KLHL6: variants seen among roughly 807,000 people sequenced by gnomAD.
KLHL6 encodes kelch-like protein 6.
In KLHL6, 41 loss-of-function variants were observed where a neutral mutation model predicts 58.6. The ratio of observed to expected loss-of-function variants is 0.70; its 90% CI spans 0.55 to 0.91. The LOEUF is 0.91. Ranked by LOEUF, KLHL6 falls within the 40% of genes least tolerant of loss-of-function variation. KLHL6 has a pLI of 0.00. For synonymous variants in KLHL6, 338 were observed against 322.7 expected, an observed-to-expected ratio of 1.05 and a Z score of -0.51; for missense variants, 714 against 805.6, an observed-to-expected ratio of 0.89 and a Z score of 1.38.
intron 1 of KLHL6, among the ~76,000 whole-genome samples, chr3:183,540,029 T>C (rs1712501275): frequency 6.6e-6 from 1 of 152,242 alleles, no homozygotes; most frequent in Non-Finnish European, 1.5e-5. Context: ...GTTTTTGTTT[T>C]GTCTGCCCAA....
chr3:183,536,908 C>T (rs1712383816), intron 1 of KLHL6, among the ~76,000 whole-genome samples: 1 of 152,190 alleles, frequency 6.6e-6, no homozygotes, highest in East Asian at 1.9e-4. Flanking sequence ...TCGGCCTAAA[C>T]ATCTCAGCTC....
intron 1 of KLHL6, among the ~76,000 whole-genome samples, chr3:183,531,807 G>T (rs762529243): frequency 1.4e-4 from 22 of 152,116 alleles, no homozygotes; most frequent in Non-Finnish European, 2.8e-4. Context: ...TCCCATTATT[G>T]TATTTTGGAA....
At chr3:183,537,339 C>G (rs1712399478) in intron 1 of KLHL6, among the ~76,000 whole-genome samples, 1 of 152,162 alleles carries the variant, frequency 6.6e-6, no homozygotes, top group Non-Finnish European at 1.5e-5. Context: ...AGTGTCAGCG[C>G]TCAATGGACC....
Position 183,527,995 on chromosome 3 carries a change from G to C in KLHL6, c.309C>G (p.Asn103Lys). Residue 103 changes from asparagine (N) to lysine (K), a missense_variant, in exon 2 of 7, where the codon AAC (asparagine) becomes AAG (lysine). Asn to Lys is a moderately conservative substitution (Grantham distance 94). Around this residue, in one of 2 missense-constraint regions of KLHL6, gnomAD observed 204 missense variants for 175.9 expected, o/e 1.16. Transcript: ENST00000341319. Reference protein sequence around the residue: ...ASNYFRAMFCNDLKEKYEKRI... With the variant: ...ASNYFRAMFCKDLKEKYEKRI... ...TTTTCTCATACTTTTCCTTTAAATC[G>C]TTGCAGAACATGGCCCTGGAAGAGA... 1.9e-6 allele frequency: 3 copies of C among 1,613,882 alleles called. No individual in the cohort carries two copies. Among genetic ancestry groups the C allele is most frequent in the Non-Finnish European group, 1.7e-6 (2 of 1,179,972 alleles).
intron 1 of KLHL6, among the ~76,000 whole-genome samples, chr3:183,540,535 T>C (rs780664679): frequency 6.6e-6 from 1 of 152,164 alleles, no homozygotes; most frequent in Non-Finnish European, 1.5e-5. Flanking sequence ...AGCGATTCTC[T>C]GAATTGGAAC....
At chr3:183,542,855 CATGGATGGATGGATGGATGG>C (rs10581731) in intron 1 of KLHL6, among the ~76,000 whole-genome samples, 22 of 143,154 alleles carry the variant, frequency 1.5e-4, no homozygotes, top group Admixed American at 8.1e-4. Flanking sequence ...TGGATGGATA[CATGGATGGATGGATGGATGG>C]ATGGATGGAT....
intron 1 of KLHL6, among the ~76,000 whole-genome samples, chr3:183,529,664 TACA>T (rs981681380): frequency 5.9e-5 from 9 of 151,880 alleles, no homozygotes; most frequent in African/African-American, 2.2e-4. Context: ...ACTCCATCTC[TACA>T]ACAATACAAA....
At chr3:183,515,459 G>A (rs1711534176) in intron 2 of KLHL6, among the ~76,000 whole-genome samples, 1 of 152,126 alleles carries the variant, frequency 6.6e-6, no homozygotes, top group African/African-American at 2.4e-5. Context: ...GAGGAGGGAG[G>A]ATTGCTTGAG....
intron 2 of KLHL6, chr3:183,520,949 G>A (rs1711736954): frequency 2.0e-5 from 3 of 152,114 alleles, no homozygotes; most frequent in Non-Finnish European, 4.4e-5. Context: ...CTGGGGGACG[G>A]TCAGGTCTTT....
At chr3:183,539,951 A>G (rs149532655) in intron 1 of KLHL6, among the ~76,000 whole-genome samples, 176 of 152,354 alleles carry the variant, frequency 1.2e-3, no homozygotes, top group African/African-American at 3.8e-3. Context: ...ACAAGAAAGA[A>G]CATCAATTAC....
At position 183,489,442 on chromosome 3, in the gene KLHL6, C is replaced by G. The variant is rs1424581009; in HGVS notation, c.*2485G>C. ...CACTTCATACGCATCTCATTTTTAG[C>G]TAACTTGAAGAAAATAAAAACAAGA... On this transcript the variant is annotated 3_prime_UTR_variant, in exon 7 of 7. Coordinates refer to ENST00000341319, the MANE Select transcript of KLHL6 (RefSeq NM_130446.4). 1 of 152,154 alleles carries G rather than the reference C, an allele frequency of 6.6e-6. No individual in the cohort carries two copies. Among genetic ancestry groups the G allele is most frequent in the Non-Finnish European group, 1.5e-5 (1 of 68,040 alleles). The allele number at this position is 152,154 out of a possible 1,614,324, so 9.4% of individuals were successfully genotyped here. A position where few individuals can be genotyped will look rare whatever the true frequency, so the allele number is the denominator to read the frequency against.
intron 4 of KLHL6, among the ~76,000 whole-genome samples, chr3:183,498,090 C>T (rs1577176501): frequency 6.6e-6 from 1 of 151,988 alleles, no homozygotes. Flanking sequence ...AAAAATTAGC[C>T]GGATGTGGTG....
At position 183,492,394 on chromosome 3, in the gene KLHL6, G is replaced by A. The variant is rs2108662349; in HGVS notation, c.1564+100C>T. ...CCAGAGTGGGTCCTAGGGGCAGTGA[G>A]TTGCCAGCGCTGGAGACACCGCGAC... On this transcript the variant is annotated intron_variant, in intron 6 of 6. Transcript: ENST00000341319. This position sits in a 1 kb window ranked among gnomAD's most constrained non-coding sequence, Gnocchi z 5.9. 3.6e-6 allele frequency: 5 copies of A among 1,385,606 alleles called. No homozygotes were observed. The highest frequency in any genetic ancestry group is 5.0e-6 in the Non-Finnish European group (5 of 1,002,172). 85.8% of individuals were successfully genotyped at this position (1,385,606 alleles called of 1,614,324 possible).
chr3:183,537,867 CTATT>C (rs1028907879), intron 1 of KLHL6, among the ~76,000 whole-genome samples: 8 of 152,066 alleles, frequency 5.3e-5, no homozygotes, highest in Admixed American at 3.3e-4. Flanking sequence ...GATTACCTAT[CTATT>C]TGTTAATTAT....
At chr3:183,506,599 G>T (rs80151556) in intron 3 of KLHL6, among the ~76,000 whole-genome samples, 1 of 152,086 alleles carries the variant, frequency 6.6e-6, no homozygotes, top group African/African-American at 2.4e-5. Context: ...AGGCTGAGAT[G>T]AGAAGATCAC....
In KLHL6 at chr3:183,555,621, G is replaced by T; in HGVS notation, c.33C>A (p.Thr11=). The T allele has an allele frequency of 6.2e-7, 1 of 1,607,644 alleles. No homozygotes were observed. The highest frequency in any genetic ancestry group is 8.5e-7 in the Non-Finnish European group (1 of 1,177,264). The change falls in exon 1 of 7, where the codon ACC becomes ACA. Residue 11 remains threonine (T), a synonymous_variant. Transcript: ENST00000341319. Reference sequence around the variant, plus strand: ...AACTCTTCTCGACCACATCACCCATGGTCCAGGCGCCCCTTTGTCCTGCCA... The same window carrying T: ...AACTCTTCTCGACCACATCACCCATTGTCCAGGCGCCCCTTTGTCCTGCCA... MLMAGQRGAW[T]MGDVVEKSLE... is the part of the protein sequence containing the mutation.
At chr3:183,517,364 T>A (rs1460874582) in intron 2 of KLHL6, among the ~76,000 whole-genome samples, 1 of 152,136 alleles carries the variant, frequency 6.6e-6, no homozygotes, top group Non-Finnish European at 1.5e-5. Flanking sequence ...CATCCTCACC[T>A]CTCTTCCCCT....
intron 1 of KLHL6, 75 bp downstream of exon 1, chr3:183,555,286 G>A: frequency 4.8e-6 from 6 of 1,253,582 alleles, no homozygotes; most frequent in Non-Finnish European, 5.7e-6. Flanking sequence ...AACTGTTCAA[G>A]ATTGGGCTCT....
intron 4 of KLHL6, among the ~76,000 whole-genome samples, chr3:183,496,898 G>T (rs1717726161): frequency 1.3e-5 from 2 of 152,252 alleles, no homozygotes; most frequent in African/African-American, 4.8e-5. Flanking sequence ...AGCCCTCTGG[G>T]AGGCTGAGGT....
Sources: gnomAD v4.1 joint callset for allele counts (sites outside exome capture counted in the v4.1 genomes callset) on GRCh38, gnomAD v4.1.1 for gene constraint, gnomAD v4.1.1 regional missense constraint, Gnocchi (gnomAD v3.1) non-coding constraint, MANE v1.5 for transcripts, NCBI Gene and HGNC (gene_info 2026-07-23, HGNC 2026-07-21) for gene names.